Variants in MRPL1 observed in about 807,000 individuals in gnomAD.
MRPL1 encodes mitochondrial ribosomal protein L1.
In MRPL1, 28 loss-of-function variants were observed where a neutral mutation model predicts 38.0. The observed-to-expected ratio is 0.74, with a 90% CI of 0.55 to 1.01. MRPL1 has a LOEUF of 1.01. MRPL1 is among the 50% of genes least tolerant of loss of function. The pLI is 0.00. For missense variants in MRPL1, 358 were observed against 389.8 expected, an observed-to-expected ratio of 0.92 and a Z score of 0.69; for synonymous variants, 123 against 126.7, an observed-to-expected ratio of 0.97 and a Z score of 0.20.
chr4:77,922,893 T>C (rs1014677885), intron 7 of MRPL1, among the ~76,000 whole-genome samples: 1 of 152,298 alleles, frequency 6.6e-6, no homozygotes, highest in African/African-American at 2.4e-5. Flanking sequence ...TAATAGGTCA[T>C]TGGATATTCA....
chr4:77,863,262 A>G (rs1456221924), intron 1 of MRPL1, among the ~76,000 whole-genome samples: 1 of 151,936 alleles, frequency 6.6e-6, no homozygotes, highest in Non-Finnish European at 1.5e-5. Flanking sequence ...AATTAGAGCA[A>G]TTTTCAAAGT....
chr4:77,891,569 T>A (rs1735808181), intron 5 of MRPL1, among the ~76,000 whole-genome samples: 1 of 152,212 alleles, frequency 6.6e-6, no homozygotes. Flanking sequence ...TTGGCCAGAC[T>A]GGTCTCGAAC....
intron 6 of MRPL1, among the ~76,000 whole-genome samples, chr4:77,898,783 C>T (rs967185322): frequency 1.3e-5 from 2 of 151,704 alleles, no homozygotes; most frequent in Non-Finnish European, 2.9e-5. Flanking sequence ...CGTGAGCCAC[C>T]GCACCCAGCT....
chr4:77,873,024 T>C (rs771276063), intron 2 of MRPL1, among the ~76,000 whole-genome samples: 16 of 152,162 alleles, frequency 1.1e-4, no homozygotes, highest in Non-Finnish European at 2.2e-4. Context: ...CAGAGGAGAC[T>C]CTGTCTCAAA....
rs572220215 is a variant in MRPL1, at chr4:77,906,358, G to A, written c.671-2908G>A. Among the ~76,000 whole-genome samples the A allele has an allele frequency of 9.3e-4, 141 of 152,178 alleles. 1 individual carries two copies. Among genetic ancestry groups the A allele is most frequent in the African/African-American group, 3.2e-3 (131 of 41,528 alleles). ...AGAAAATAGAAGGACACGAAATAGAGATGGCTTTTTTTTTTTGAGAACTTA... is the reference window on the plus strand; with the variant it reads ...AGAAAATAGAAGGACACGAAATAGAAATGGCTTTTTTTTTTTGAGAACTTA... On this transcript the variant is annotated intron_variant, in intron 6 of 8. Coordinates refer to ENST00000315567, the MANE Select transcript of MRPL1 (RefSeq NM_020236.4).
intron 7 of MRPL1, among the ~76,000 whole-genome samples, chr4:77,910,770 A>G (rs1736269236): frequency 6.6e-6 from 1 of 152,202 alleles, no homozygotes; most frequent in African/African-American, 2.4e-5. Context: ...AACTTGCTTT[A>G]GAAATGGAGC....
intron 7 of MRPL1, among the ~76,000 whole-genome samples, chr4:77,949,050 C>T (rs552022396): frequency 2.6e-5 from 4 of 152,248 alleles, no homozygotes; most frequent in East Asian, 1.9e-4. Flanking sequence ...GGATTACAGG[C>T]GTGAGCCACC....
chr4:77,935,243 C>T (rs1366461021), intron 7 of MRPL1, among the ~76,000 whole-genome samples: 4 of 151,670 alleles, frequency 2.6e-5, no homozygotes, highest in African/African-American at 9.7e-5. Flanking sequence ...AAAGATACAC[C>T]CCCCAAAATG....
chr4:77,910,266 C>T (rs772644371), intron 7 of MRPL1, among the ~76,000 whole-genome samples: 3 of 152,182 alleles, frequency 2.0e-5, no homozygotes, highest in Non-Finnish European at 2.9e-5. Flanking sequence ...AGTCCAGGCT[C>T]TTTATCCCTA....
intron 7 of MRPL1, among the ~76,000 whole-genome samples, chr4:77,945,778 C>T (rs933175262): frequency 8.6e-5 from 13 of 151,862 alleles, no homozygotes; most frequent in African/African-American, 2.4e-4. Context: ...AGGGGGTGTA[C>T]GAACAGGGAG....
intron 6 of MRPL1, among the ~76,000 whole-genome samples, chr4:77,898,738 C>T (rs1445902611): frequency 1.3e-5 from 2 of 152,096 alleles, no homozygotes; most frequent in East Asian, 3.9e-4. Context: ...AAATGATCCA[C>T]ATCCCTCAGC....
At chr4:77,865,030 C>T (rs1368716604) in intron 1 of MRPL1, among the ~76,000 whole-genome samples, 3 of 151,858 alleles carry the variant, frequency 2.0e-5, no homozygotes, top group Non-Finnish European at 4.4e-5. Context: ...GCTGGGATTA[C>T]AGGCGCGTGC....
intron 7 of MRPL1, among the ~76,000 whole-genome samples, chr4:77,949,348 G>T (rs565823048): frequency 1.3e-5 from 2 of 152,326 alleles, no homozygotes; most frequent in South Asian, 2.1e-4. Context: ...AATTGTCTCT[G>T]TGTGAGATAT....
chr4:77,862,941 G>C (rs1190583841), intron 1 of MRPL1, 62 bp downstream of exon 1: 43 of 1,605,132 alleles, frequency 2.7e-5, no homozygotes, highest in Non-Finnish European at 3.6e-5. Context: ...GGTTGCAGCA[G>C]AGTGCAAGGC....
intron 1 of MRPL1, among the ~76,000 whole-genome samples, chr4:77,865,576 G>C (rs1355271186): frequency 1.3e-5 from 2 of 151,980 alleles, no homozygotes; most frequent in African/African-American, 4.8e-5. Context: ...GTGTTGCCCA[G>C]GCTGCTCTCG....
At chr4:77,880,135 A>T (rs1329950909) in intron 2 of MRPL1, among the ~76,000 whole-genome samples, 1 of 152,164 alleles carries the variant, frequency 6.6e-6, no homozygotes. Context: ...GCTTAAAACT[A>T]TACAAGTTTT....
chr4:77,948,773 T>TC (rs1277687589), intron 7 of MRPL1, among the ~76,000 whole-genome samples: 13 of 145,490 alleles, frequency 8.9e-5, no homozygotes, highest in East Asian at 3.9e-4. Context: ...TTCTTCTTCT[T>TC]TTTTTTTTTT....
intron 6 of MRPL1, among the ~76,000 whole-genome samples, chr4:77,894,479 A>G (rs1001842362): frequency 1.3e-5 from 2 of 152,132 alleles, no homozygotes; most frequent in African/African-American, 4.8e-5. Flanking sequence ...AGTTTTTAAA[A>G]TGTAGATCAA....
intron 6 of MRPL1, among the ~76,000 whole-genome samples, chr4:77,905,173 G>A (rs1736124957): frequency 6.6e-6 from 1 of 151,880 alleles, no homozygotes; most frequent in South Asian, 2.1e-4. Flanking sequence ...TTTAAAAAAG[G>A]GGCAAAATAG....
Sources: allele counts gnomAD v4.1 joint callset (sites outside exome capture counted in the v4.1 genomes callset), GRCh38; gene constraint gnomAD v4.1.1; transcripts MANE v1.5; gene names NCBI Gene and HGNC (gene_info 2026-07-23, HGNC 2026-07-21).